The following NRXN1 variants were observed in gnomAD, a reference collection of about 807,000 sequenced individuals.
The protein encoded by NRXN1 is neurexin 1, also known as neurexin-1.
Under a neutral mutation model 150.9 loss-of-function variants are expected in NRXN1, and 39 were observed. The ratio of observed to expected loss-of-function variants is 0.26; its 90% CI spans 0.20 to 0.34. The LOEUF (loss-of-function observed/expected upper bound fraction) is 0.34. Among genes scored for constraint, NRXN1 ranks in the 10% least tolerant of loss-of-function variants. The pLI is 1.00. For missense variants in NRXN1, 1,815 were observed against 1,949.9 expected (o/e 0.93, Z 1.30); for synonymous variants, 924 against 757.0 (o/e 1.22, Z -3.62).
intron 8 of NRXN1, among the ~76,000 whole-genome samples, chr2:50,554,712 T>C (rs550789039): frequency 2.6e-5 from 4 of 152,276 alleles, no homozygotes; most frequent in African/African-American, 9.6e-5. Context: ...CATTTAGAAA[T>C]AAAGCCCACA....
intron 12 of NRXN1, among the ~76,000 whole-genome samples, chr2:50,519,923 G>C (rs555261996): frequency 6.6e-6 from 1 of 151,964 alleles, no homozygotes; most frequent in African/African-American, 2.4e-5. Flanking sequence ...AAATCTAAGA[G>C]AAACAATAGA....
chr2:50,021,384 TG>T (rs1687545933), intron 21 of NRXN1, among the ~76,000 whole-genome samples: 1 of 152,190 alleles, frequency 6.6e-6, no homozygotes, highest in South Asian at 2.1e-4. Flanking sequence ...AAACTTCTTT[TG>T]GTTGGAAAAT....
chr2:50,839,787 A>G (rs144840636), intron 5 of NRXN1, among the ~76,000 whole-genome samples: 2,189 of 152,276 alleles, frequency 0.014, 56 homozygotes, highest in African/African-American at 0.049. Flanking sequence ...GAAATAAGAT[A>G]ATTAAATTAG....
chr2:50,829,954 C>T (rs75443634), intron 5 of NRXN1, among the ~76,000 whole-genome samples: 10,743 of 127,902 alleles, frequency 0.084, 490 homozygotes, highest in Middle Eastern at 0.19. Flanking sequence ...GTTCTACTTG[C>T]TATCAGGAGA....
At chr2:50,300,805 C>G (rs1379647171) in intron 17 of NRXN1, among the ~76,000 whole-genome samples, 1 of 152,150 alleles carries the variant, frequency 6.6e-6, no homozygotes, top group Non-Finnish European at 1.5e-5. Context: ...TAGCGATTAT[C>G]CTGCCTCAGC....
At chr2:50,244,726 T>C (rs1269708551) in intron 17 of NRXN1, among the ~76,000 whole-genome samples, 3 of 151,914 alleles carry the variant, frequency 2.0e-5, no homozygotes, top group Non-Finnish European at 2.9e-5. Flanking sequence ...TATTATTGTA[T>C]TGTAAATTTC....
chr2:50,606,174 G>A (rs529443437), intron 8 of NRXN1, among the ~76,000 whole-genome samples: 22 of 151,338 alleles, frequency 1.5e-4, no homozygotes, highest in South Asian at 8.4e-4. Context: ...GGTTGAACCC[G>A]GGAGGTGGAG....
At chr2:50,753,805 C>A (rs900617573) in intron 5 of NRXN1, among the ~76,000 whole-genome samples, 4 of 151,636 alleles carry the variant, frequency 2.6e-5, no homozygotes, top group Non-Finnish European at 5.9e-5. Context: ...ACAAGGTAAT[C>A]CCTAAGTGAG....
intron 17 of NRXN1, among the ~76,000 whole-genome samples, chr2:50,302,925 CCATCCAT>C (rs2074295066): frequency 6.6e-6 from 1 of 151,926 alleles, no homozygotes. Flanking sequence ...ATCCATCCAT[CCATCCAT>C]CCATCCACCC....
At chr2:50,622,290 A>G (rs1484458393) in intron 6 of NRXN1, among the ~76,000 whole-genome samples, 2 of 152,158 alleles carry the variant, frequency 1.3e-5, no homozygotes. Flanking sequence ...AGATAGTATA[A>G]ACCTTTCAGA....
At chr2:50,270,861 G>A (rs750614753) in intron 17 of NRXN1, among the ~76,000 whole-genome samples, 15 of 151,966 alleles carry the variant, frequency 9.9e-5, no homozygotes, top group African/African-American at 2.4e-4. Context: ...TTTTCACCAC[G>A]TTGGCCAGGC....
chr2:50,921,950 A>G, intron 4 of NRXN1, 70 bp from the exon 5 acceptor site: 1 of 858,808 alleles, frequency 1.2e-6, no homozygotes. Flanking sequence ...GGAGAAAAAC[A>G]ACAATAAGTA....
chr2:50,507,500 TG>T (rs1384854054), intron 12 of NRXN1, among the ~76,000 whole-genome samples: 1 of 152,054 alleles, frequency 6.6e-6, no homozygotes, highest in Non-Finnish European at 1.5e-5. Context: ...GAAGTATAAC[TG>T]GGAAAGTAAC....
intron 5 of NRXN1, among the ~76,000 whole-genome samples, chr2:50,854,137 A>T (rs1674921762): frequency 6.6e-6 from 1 of 152,086 alleles, no homozygotes; most frequent in African/African-American, 2.4e-5. Context: ...AGATATAGCA[A>T]TAGATGTTTC....
chr2:50,529,274 T>C (rs1294599408), intron 11 of NRXN1, among the ~76,000 whole-genome samples: 1 of 152,210 alleles, frequency 6.6e-6, no homozygotes, highest in African/African-American at 2.4e-5. Flanking sequence ...ATGTTTCCTT[T>C]AGAAACTCCA....
At chr2:49,945,536 T>C (rs1672739463) in intron 21 of NRXN1, among the ~76,000 whole-genome samples, 2 of 152,002 alleles carry the variant, frequency 1.3e-5, no homozygotes, top group Non-Finnish European at 2.9e-5. Context: ...ATACCTCCCC[T>C]AGACCCCCAC....
At chr2:50,543,819 A>G (rs2093437075) in intron 9 of NRXN1, among the ~76,000 whole-genome samples, 1 of 152,164 alleles carries the variant, frequency 6.6e-6, no homozygotes, top group South Asian at 2.1e-4. Context: ...AAAATAAGTT[A>G]AGTTGATGTC....
intron 2 of NRXN1, among the ~76,000 whole-genome samples, chr2:50,969,442 C>T (rs1694658172): frequency 6.6e-6 from 1 of 151,996 alleles, no homozygotes; most frequent in Non-Finnish European, 1.5e-5. Flanking sequence ...ATTATAAACT[C>T]TCTTGATGAA....
intron 5 of NRXN1, among the ~76,000 whole-genome samples, chr2:50,823,023 A>C (rs1669952602): frequency 6.6e-6 from 1 of 152,186 alleles, no homozygotes; most frequent in Non-Finnish European, 1.5e-5. Flanking sequence ...TAATTAGAGA[A>C]AGTAACTATA....
Sources: allele counts gnomAD v4.1 joint callset (sites outside exome capture counted in the v4.1 genomes callset), GRCh38; gene constraint gnomAD v4.1.1; transcripts MANE v1.5; gene names NCBI Gene and HGNC (gene_info 2026-07-23, HGNC 2026-07-21).